The following FAT3 variants were observed in gnomAD, a reference collection of about 807,000 sequenced individuals.
FAT3 encodes the protein FAT atypical cadherin 3.
FAT3 carries 95 observed loss-of-function variants against 310.2 expected under a neutral mutation model. The observed-to-expected ratio is 0.31, with a 90% CI of 0.26 to 0.36. The LOEUF (loss-of-function observed/expected upper bound fraction) is 0.36. Ranked by LOEUF, FAT3 falls within the 10% of genes least tolerant of loss-of-function variation. FAT3 has a pLI of 1.00. For missense variants in FAT3, 5,408 were observed against 5,715.6 expected (o/e 0.95, Z 1.74); for synonymous variants, 2,314 against 2,192.9 (o/e 1.06, Z -1.54).
intron 18 of FAT3, 74 bp from the exon 19 acceptor site, chr11:92,843,860 A>C: frequency 7.3e-7 from 1 of 1,366,488 alleles, no homozygotes; most frequent in South Asian, 1.4e-5. Flanking sequence ...GACGTCTTCT[A>C]TCTGCGGGTT....
intron 3 of FAT3, among the ~76,000 whole-genome samples, chr11:92,623,545 A>G (rs540944202): frequency 1.3e-5 from 2 of 152,246 alleles, no homozygotes; most frequent in Non-Finnish European, 2.9e-5. Flanking sequence ...TGAAAGCAAG[A>G]TAGTTCATAT....
At chr11:92,624,571 G>C (rs1252146111) in intron 3 of FAT3, among the ~76,000 whole-genome samples, 1 of 152,196 alleles carries the variant, frequency 6.6e-6, no homozygotes, top group Non-Finnish European at 1.5e-5. Flanking sequence ...AGTGATCCAT[G>C]TGGAAGGCAA....
rs1565249984 is a variant in FAT3, at chr11:92,353,498, A to G, written c.1386A>G (p.Ile462Met). The change falls in exon 2 of 28, where the codon ATA (isoleucine) becomes ATG (methionine). Residue 462 changes from isoleucine (I) to methionine (M), a missense_variant. By Grantham distance (10) the Ile-to-Met change is conservative. Around this residue, in one of 5 missense-constraint regions of FAT3, gnomAD observed 4,588 missense variants for 4,809.8 expected, o/e 0.95. Transcript: ENST00000525166. ...TAAAAGCACAGGTCACCATCAGCAT[A>G]GAAGATGCAAATGACCACACCCCAG... ...GDLKAQVTIS[I>M]EDANDHTPEF... is the part of the protein sequence containing the mutation. 1 of 1,613,462 alleles carries G rather than the reference A, an allele frequency of 6.2e-7. No homozygotes were observed. The highest frequency in any genetic ancestry group is 8.5e-7 in the Non-Finnish European group (1 of 1,179,704).
At chr11:92,695,717 C>CA in intron 3 of FAT3, among the ~76,000 whole-genome samples, 1 of 152,256 alleles carries the variant, frequency 6.6e-6, no homozygotes, top group East Asian at 1.9e-4. Flanking sequence ...GTTTCCGAAT[C>CA]AAAAGACAGG....
At chr11:92,308,036 A>G (rs1441141592) in intron 1 of FAT3, among the ~76,000 whole-genome samples, 1 of 151,898 alleles carries the variant, frequency 6.6e-6, no homozygotes, top group Non-Finnish European at 1.5e-5. Context: ...TAACAGCAAC[A>G]TTTTTTCCTG....
chr11:92,837,855 C>G (rs1211343604), intron 17 of FAT3, 49 bp downstream of exon 17: 1 of 1,609,572 alleles, frequency 6.2e-7, no homozygotes, highest in African/African-American at 1.3e-5. Flanking sequence ...ATTCAGCTTT[C>G]TTCCTCTGCT....
At chr11:92,611,124 C>CTATT (rs571039601) in intron 3 of FAT3, among the ~76,000 whole-genome samples, 3 of 151,850 alleles carry the variant, frequency 2.0e-5, no homozygotes, top group Non-Finnish European at 2.9e-5. Context: ...TATCTTCTCT[C>CTATT]TATTTATTTA....
intron 2 of FAT3, among the ~76,000 whole-genome samples, chr11:92,398,499 C>A (rs1464949142): frequency 1.3e-4 from 15 of 111,970 alleles, no homozygotes; most frequent in African/African-American, 4.8e-4. Context: ...TAACTCCGTC[C>A]CAAAAAAAAA....
chr11:92,676,262 C>T (rs959719337), intron 3 of FAT3, among the ~76,000 whole-genome samples: 1 of 152,164 alleles, frequency 6.6e-6, no homozygotes, highest in Admixed American at 6.5e-5. Flanking sequence ...GTGCTTGTCA[C>T]CTATAATGCT....
chr11:92,541,193 G>A (rs900869199), intron 3 of FAT3, among the ~76,000 whole-genome samples: 2 of 152,108 alleles, frequency 1.3e-5, no homozygotes, highest in Non-Finnish European at 2.9e-5. Flanking sequence ...TGAAGGATAA[G>A]AAAATTATTA....
intron 3 of FAT3, among the ~76,000 whole-genome samples, chr11:92,626,755 G>C (rs116369045): frequency 1.3e-5 from 2 of 152,196 alleles, no homozygotes; most frequent in Non-Finnish European, 2.9e-5. Context: ...AAAGCCTAGA[G>C]TAAGTGAGAT....
intron 22 of FAT3, among the ~76,000 whole-genome samples, chr11:92,873,845 G>C (rs1319017978): frequency 6.6e-6 from 1 of 152,140 alleles, no homozygotes; most frequent in African/African-American, 2.4e-5. Flanking sequence ...TGACTTTTCG[G>C]TACATGTATC....
At chr11:92,693,393 C>G (rs1375477757) in intron 3 of FAT3, among the ~76,000 whole-genome samples, 5 of 152,188 alleles carry the variant, frequency 3.3e-5, no homozygotes, top group African/African-American at 1.2e-4. Flanking sequence ...GTATAGATTA[C>G]AGAATGGGGT....
intron 1 of FAT3, chr11:92,314,353 T>A: frequency 1.1e-6 from 1 of 915,904 alleles, no homozygotes; most frequent in Non-Finnish European, 1.3e-6. Flanking sequence ...AATTTTTACA[T>A]TTGTAAAAAA....
chr11:92,798,799 ATTT>A lies in FAT3; in HGVS notation c.5790_5792del (p.Phe1930del). On this transcript the variant is annotated inframe_deletion, in exon 10 of 28. Coordinates refer to ENST00000525166, the MANE Select transcript of FAT3 (RefSeq NM_001367949.2). ...AGCCTAATGGAAGGCAGTTTGGATC[ATTT>A]TTTAATTGACTCAAACAGTGGAGTA... 6.2e-7 allele frequency: 1 copy of A among 1,613,800 alleles called. No homozygotes were observed. The highest frequency in any genetic ancestry group is 8.5e-7 in the Non-Finnish European group (1 of 1,179,822).
At chr11:92,388,149 A>T (rs909361646) in intron 2 of FAT3, among the ~76,000 whole-genome samples, 2 of 152,120 alleles carry the variant, frequency 1.3e-5, no homozygotes, top group Non-Finnish European at 2.9e-5. Context: ...CATTTTTATT[A>T]TTTCAGCATG....
intron 3 of FAT3, among the ~76,000 whole-genome samples, chr11:92,625,494 C>T (rs530445174): frequency 2.0e-5 from 3 of 152,300 alleles, no homozygotes; most frequent in East Asian, 3.9e-4. Flanking sequence ...CCTGCAACAC[C>T]AGCCTCTAGA....
intron 2 of FAT3, among the ~76,000 whole-genome samples, chr11:92,380,185 C>T (rs140406472): frequency 4.0e-5 from 6 of 151,470 alleles, no homozygotes; most frequent in Non-Finnish European, 5.9e-5. Flanking sequence ...AAAACGAATG[C>T]GAATGTACTC....
At chr11:92,461,802 G>C (rs1445365038) in intron 2 of FAT3, among the ~76,000 whole-genome samples, 1 of 152,140 alleles carries the variant, frequency 6.6e-6, no homozygotes, top group African/African-American at 2.4e-5. Context: ...GGGAATGACG[G>C]TGTTTAGAAG....
Sources: gnomAD v4.1 joint callset for allele counts (sites outside exome capture counted in the v4.1 genomes callset) on GRCh38, gnomAD v4.1.1 for gene constraint, gnomAD v4.1.1 regional missense constraint, MANE v1.5 for transcripts, NCBI Gene and HGNC (gene_info 2026-07-23, HGNC 2026-07-21) for gene names.